Variants in TBRG4 observed in about 807,000 individuals in gnomAD.
TBRG4 encodes transforming growth factor beta regulator 4.
A neutral mutation model predicts 65.6 loss-of-function variants in TBRG4; 43 were observed. The observed-to-expected ratio is 0.66, with a 90% CI of 0.51 to 0.85. The LOEUF (loss-of-function observed/expected upper bound fraction) is 0.85. Among genes scored for constraint, TBRG4 ranks in the 40% least tolerant of loss-of-function variants. The probability of loss-of-function intolerance (pLI) is 0.00; values close to 1 mark genes in which losing one functional copy is unlikely to be tolerated. For synonymous variants in TBRG4, 366 were observed against 341.4 expected (o/e 1.07, Z -0.79); for missense variants, 709 against 787.9 (o/e 0.90, Z 1.20).
Position 45,103,183 on chromosome 7 carries a change from G to T in TBRG4, c.1176+150C>A, listed in dbSNP as rs557702616. On this transcript the variant is annotated intron_variant, in intron 6 of 10. Transcript: ENST00000258770. The stretch of plus-strand genomic sequence containing the variant: ...GTTCTCAGTAATCCCTAGGATGCCT[G>T]GCTCCAATCAGTTCCCCCTGCCCTC... The T allele has an allele frequency of 1.5e-5, 10 of 668,620 alleles. No homozygotes were observed. The Admixed American group carries it at 2.1e-4, about 14-fold the overall frequency. The allele number at this position is 668,620 out of a possible 1,614,324, so 41.4% of individuals were successfully genotyped here.
At chr7:45,103,924 C>CT in intron 5 of TBRG4, 175 bp downstream of exon 5, 1 of 906,702 alleles carries the variant, frequency 1.1e-6, no homozygotes, top group East Asian at 2.7e-5. Flanking sequence ...TTCTCAAACA[C>CT]TTTTTTGAGA....
intron 1 of TBRG4, among the ~76,000 whole-genome samples, chr7:45,109,899 C>A (rs1202378403): frequency 6.7e-6 from 1 of 148,618 alleles, no homozygotes; most frequent in Non-Finnish European, 1.5e-5. Flanking sequence ...ATTGCTTGAA[C>A]CTGAGAGGCG....
chr7:45,108,897 TTC>T lies in TBRG4; in HGVS notation c.339_340del (p.Lys114AlafsTer4). The T allele has an allele frequency of 6.3e-7, 1 of 1,589,502 alleles. No individual in the cohort carries two copies. Among genetic ancestry groups the T allele is most frequent in the Non-Finnish European group, 8.5e-7 (1 of 1,170,778 alleles). On this transcript the variant is annotated frameshift_variant, in exon 2 of 11. Transcript: ENST00000258770. LOFTEE classifies it high-confidence loss of function. ...TATGAGCAAGCCTTTATCTTCTGGCTTCTCAGACAGCAAGTGAGAGAGCCGGA... is the reference window on the plus strand; with the variant it reads ...TATGAGCAAGCCTTTATCTTCTGGCTTCAGACAGCAAGTGAGAGAGCCGGA...
intron 6 of TBRG4, 125 bp downstream of exon 6, chr7:45,103,208 C>T (rs751422693): frequency 1.4e-6 from 1 of 733,944 alleles, no homozygotes; most frequent in Non-Finnish European, 2.4e-6. Flanking sequence ...CCCCTGCCCT[C>T]CCATGCCACA....
Position 45,104,692 on chromosome 7 carries a change from C to T in TBRG4, c.753G>A (p.Glu251=). 6.2e-7 allele frequency: 1 copy of T among 1,613,764 alleles called. No individual in the cohort carries two copies. The highest frequency in any genetic ancestry group is 1.7e-4 in the Middle Eastern group (1 of 6,058). ...TCCGCAGCTCATTGGGGCCAAAGTG[C>T]TCCACCAACTCCAGGCACTGTCAAC... ...RLEDKCLELV[E]HFGPNELRKV... is the part of the protein sequence containing the mutation. The change falls in exon 4 of 11, where the codon GAG becomes GAA. Residue 251 remains glutamate, a synonymous_variant. Transcript: ENST00000258770.
At position 45,105,678 on chromosome 7, in the gene TBRG4, C is replaced by G; in HGVS notation, c.498G>C (p.Gln166His). ...GCCAGCGGACCTCCTGCTCCACCGA[C>G]TGCAGCTCCTTGGAGGCCTTGGGGA... Reference protein sequence around the residue: ...LGIPKASKELQSVEQEVRWRM... With the variant: ...LGIPKASKELHSVEQEVRWRM... Residue 166 changes from glutamine to histidine, a missense_variant, in exon 3 of 11, where the codon CAG becomes CAC. Coordinates refer to ENST00000258770, the MANE Select transcript of TBRG4 (RefSeq NM_004749.4). 1 of 1,614,100 alleles carries G rather than the reference C, an allele frequency of 6.2e-7. No homozygotes were observed. The highest frequency in any genetic ancestry group is 8.5e-7 in the Non-Finnish European group (1 of 1,180,044).
At position 45,111,694 on chromosome 7, in the gene TBRG4, C is replaced by A. The variant is rs560384962; in HGVS notation, c.-102G>T. 7.8e-7 allele frequency: 1 copy of A among 1,289,372 alleles called. No individual in the cohort carries two copies. The highest frequency in any genetic ancestry group is 2.3e-5 in the Admixed American group (1 of 43,552). 79.9% of individuals were successfully genotyped at this position (1,289,372 alleles called of 1,614,324 possible). A position where few individuals can be genotyped will look rare whatever the true frequency, so the allele number is the denominator to read the frequency against. On this transcript the variant is annotated 5_prime_UTR_variant, in exon 1 of 11. Transcript: ENST00000258770. ...TCCGCCGCCCTAACTGTCCCCGGAA[C>A]CATGAGGTGCGCGGCGCGCTTCCCT... is the stretch of plus-strand genomic sequence containing the variant.
chr7:45,109,037 G>T lies in TBRG4; in HGVS notation c.201C>A (p.Tyr67Ter). The T allele has an allele frequency of 6.2e-7, 1 of 1,613,376 alleles. No individual in the cohort carries two copies. Among genetic ancestry groups the T allele is most frequent in the Non-Finnish European group, 8.5e-7 (1 of 1,179,520 alleles). ...PVEKERASTP[Y>*]IEKQVDHLIK... ...TGAGGTGGTCCACCTGCTTCTCTATGTAGGGAGTAGATGCTCGTTCCTTCT... is the reference window on the plus strand; with the variant it reads ...TGAGGTGGTCCACCTGCTTCTCTATTTAGGGAGTAGATGCTCGTTCCTTCT... Residue 67 changes from tyrosine (Y) to a stop codon, truncating the protein, a stop_gained, in exon 2 of 11, where the codon TAC (tyrosine) becomes TAA (stop). Coordinates refer to ENST00000258770, the MANE Select transcript of TBRG4 (RefSeq NM_004749.4). LOFTEE classifies it high-confidence loss of function.
chr7:45,103,776 C>T (rs1406987148), intron 5 of TBRG4: 5 of 514,544 alleles, frequency 9.7e-6, no homozygotes, highest in Admixed American at 3.5e-5. Context: ...TACAGTTCCA[C>T]TTTGCGAGGG....
intron 1 of TBRG4, among the ~76,000 whole-genome samples, chr7:45,109,626 AC>A (rs1350375604): frequency 6.6e-6 from 1 of 152,138 alleles, no homozygotes; most frequent in African/African-American, 2.4e-5. Context: ...TGCAGACACG[AC>A]CTAGACAGCA....
At chr7:45,101,198 T>C in intron 10 of TBRG4, 60 bp downstream of exon 10, 1 of 1,532,238 alleles carries the variant, frequency 6.5e-7, no homozygotes, top group Non-Finnish European at 8.9e-7. Context: ...CCTGATCCCC[T>C]CTCTAGCGTG....
intron 2 of TBRG4, 36 bp from the exon 3 acceptor site, chr7:45,105,800 C>T (rs764483059): frequency 6.3e-7 from 1 of 1,576,296 alleles, no homozygotes; most frequent in South Asian, 1.2e-5. Context: ...AATGATGTGG[C>T]ACTGTCAGTC....
At chr7:45,110,812 T>C (rs1394150117) in intron 1 of TBRG4, 3 of 152,060 alleles carry the variant, frequency 2.0e-5, no homozygotes, top group Admixed American at 6.6e-5. Flanking sequence ...ACTTGGTATA[T>C]GGCCAGCACA....
Position 45,103,963 on chromosome 7 carries a change from C to T in TBRG4, c.1065+136G>A. 2.4e-6 allele frequency: 3 copies of T among 1,261,372 alleles called. No individual in the cohort carries two copies. In the South Asian group the frequency reaches 4.8e-5, roughly 20 times the overall value. The allele number at this position is 1,261,372 out of a possible 1,614,324, so 78.1% of individuals were successfully genotyped here. On this transcript the variant is annotated intron_variant, in intron 5 of 10. Coordinates refer to ENST00000258770, the MANE Select transcript of TBRG4 (RefSeq NM_004749.4). ...GAATAGCAGCCCTTTCAAAATAAGC[C>T]AAAATGCAAGAAATATGTATTTGCC...
chr7:45,103,223 G>C (rs763744943), intron 6 of TBRG4, 110 bp downstream of exon 6: 66 of 829,868 alleles, frequency 8.0e-5, no homozygotes, highest in Non-Finnish European at 9.0e-5. Context: ...GCCACACATA[G>C]TGGCCCCTCC....
intron 2 of TBRG4, chr7:45,106,074 C>A (rs2128645853): frequency 1.6e-6 from 1 of 612,308 alleles, no homozygotes; most frequent in Non-Finnish European, 3.1e-6. Flanking sequence ...ATAGACAGGG[C>A]AGGCACTGAA....
At chr7:45,109,907 G>C (rs1386625930) in intron 1 of TBRG4, among the ~76,000 whole-genome samples, 2 of 150,644 alleles carry the variant, frequency 1.3e-5, no homozygotes, top group Non-Finnish European at 2.9e-5. Context: ...AACCTGAGAG[G>C]CGGAGATTGC....
intron 1 of TBRG4, 37 bp downstream of exon 1, chr7:45,111,606 G>A: frequency 7.8e-7 from 1 of 1,289,298 alleles, no homozygotes; most frequent in Non-Finnish European, 1.0e-6. Context: ...CGAAACCCAC[G>A]ATCAGCCGCC....
rs1785050823 is a variant in TBRG4, at chr7:45,109,202, G to A, written c.36C>T (p.Leu12=). ...AAHLVKRCTC[L]LREAARQAPA... ...GGGCCTGACGAGCAGCTTCTCTCAGGAGGCACGTGCATCGCTTTACCAGGT... is the reference window on the plus strand; with the variant it reads ...GGGCCTGACGAGCAGCTTCTCTCAGAAGGCACGTGCATCGCTTTACCAGGT... The change falls in exon 2 of 11, where the codon CTC becomes CTT. Residue 12 remains leucine (L), a synonymous_variant. Transcript: ENST00000258770. 6.2e-7 allele frequency: 1 copy of A among 1,610,888 alleles called. No homozygotes were observed. Among genetic ancestry groups the A allele is most frequent in the South Asian group, 1.1e-5 (1 of 90,756 alleles).
Sources: gnomAD v4.1 joint callset for allele counts (sites outside exome capture counted in the v4.1 genomes callset) on GRCh38, gnomAD v4.1.1 for gene constraint, MANE v1.5 for transcripts, NCBI Gene and HGNC (gene_info 2026-07-23, HGNC 2026-07-21) for gene names.